Variants in CCDC63 observed in about 807,000 individuals in gnomAD.
The protein encoded by CCDC63 is coiled-coil domain containing 63.
CCDC63 carries 54 observed loss-of-function variants against 63.6 expected under a neutral mutation model. The observed-to-expected ratio is 0.85, with a 90% CI of 0.68 to 1.07. The LOEUF is 1.07. CCDC63 is among the 50% of genes least tolerant of loss of function. CCDC63 has a pLI of 0.00. For missense variants in CCDC63, 637 were observed against 689.6 expected (o/e 0.92, Z 0.86); for synonymous variants, 253 against 266.1 (o/e 0.95, Z 0.48).
At chr12:110,869,290 G>A (rs894354239) in intron 4 of CCDC63, among the ~76,000 whole-genome samples, 7 of 152,072 alleles carry the variant, frequency 4.6e-5, no homozygotes, top group Admixed American at 3.9e-4. Context: ...CCACCATCTC[G>A]ACACAAACAG....
intron 1 of CCDC63, among the ~76,000 whole-genome samples, chr12:110,852,450 C>T (rs1358786213): frequency 1.3e-5 from 2 of 152,070 alleles, no homozygotes; most frequent in Non-Finnish European, 2.9e-5. Flanking sequence ...TTTGTAGAGA[C>T]AGAGTTTCAC....
rs186573056 is a variant in CCDC63, at chr12:110,889,378, A to G, written c.1075-3698A>G. Among the ~76,000 whole-genome samples the G allele has an allele frequency of 6.6e-6, 1 of 152,296 alleles. No individual in the cohort carries two copies. Among genetic ancestry groups the G allele is most frequent in the East Asian group, 1.9e-4 (1 of 5,186 alleles). On this transcript the variant is annotated intron_variant, in intron 8 of 11. Transcript: ENST00000308208. The surrounding 1 kb of genome is among the most constrained non-coding windows in gnomAD (Gnocchi z 4.1). ...TAGAAAGGGAGATGCAGTGTGGGTAAAAAGATGAAGTCGCACAGCGTAAGA... is the reference window on the plus strand; with the variant it reads ...TAGAAAGGGAGATGCAGTGTGGGTAGAAAGATGAAGTCGCACAGCGTAAGA...
intron 5 of CCDC63, among the ~76,000 whole-genome samples, chr12:110,877,983 A>G (rs763698099): frequency 6.6e-6 from 1 of 152,094 alleles, no homozygotes; most frequent in Non-Finnish European, 1.5e-5. Context: ...CTGGGATTAC[A>G]GGCATGAGCC....
At chr12:110,875,632 A>T (rs2071120513) in intron 5 of CCDC63, among the ~76,000 whole-genome samples, 3 of 152,164 alleles carry the variant, frequency 2.0e-5, no homozygotes, top group Non-Finnish European at 4.4e-5. Flanking sequence ...CATCTAAATT[A>T]TGCTAATCTG....
At chr12:110,845,959 C>CAAAAA (rs34690976), upstream of CCDC63, 23 of 96,012 alleles carry the variant, frequency 2.4e-4, no homozygotes, top group Non-Finnish European at 3.5e-4. Flanking sequence ...AGTAGAAATA[C>CAAAAA]AAAAAAAAAA....
At chr12:110,898,839 A>C in intron 9 of CCDC63, 94 bp from the exon 10 acceptor site, 2 of 923,284 alleles carry the variant, frequency 2.2e-6, no homozygotes, top group Non-Finnish European at 3.1e-6. Context: ...AGGTTTGAAA[A>C]CCCGCAGTTT....
At chr12:110,899,459 CA>C (rs1199782124) in intron 10 of CCDC63, among the ~76,000 whole-genome samples, 6 of 152,152 alleles carry the variant, frequency 3.9e-5, no homozygotes, top group African/African-American at 1.4e-4. Flanking sequence ...GCTGGGACTA[CA>C]GCCATGCACC....
Position 110,883,987 on chromosome 12 carries a change from G to T in CCDC63, c.854-43G>T, listed in dbSNP as rs989913508. 6.1e-6 allele frequency: 9 copies of T among 1,484,766 alleles called. No individual in the cohort carries two copies. The African/African-American group carries it at 1.1e-4, about 18-fold the overall frequency. The allele number at this position is 1,484,766 out of a possible 1,614,324, so 92.0% of individuals were successfully genotyped here. ...TGTCTGCCTGGCACGGATCTGAGGA[G>T]CTTCCTTTTGAGTGTCACAGTGGCT... On this transcript the variant is annotated intron_variant, in intron 7 of 11. Coordinates refer to ENST00000308208, the MANE Select transcript of CCDC63 (RefSeq NM_152591.3).
intron 10 of CCDC63, among the ~76,000 whole-genome samples, chr12:110,900,827 T>C (rs2071476987): frequency 6.6e-6 from 1 of 152,142 alleles, no homozygotes; most frequent in African/African-American, 2.4e-5. Context: ...CTCGATCTCC[T>C]GACCTCGTGA....
intron 4 of CCDC63, among the ~76,000 whole-genome samples, chr12:110,868,663 T>A (rs915011054): frequency 3.5e-4 from 51 of 147,642 alleles, no homozygotes; most frequent in Admixed American, 2.9e-3. Flanking sequence ...TGAGCCGAGA[T>A]GGCAGCAGTA....
chr12:110,901,193 A>G (rs1451118087), intron 10 of CCDC63, among the ~76,000 whole-genome samples: 1 of 152,184 alleles, frequency 6.6e-6, no homozygotes, highest in East Asian at 1.9e-4. Flanking sequence ...TACATGAGAT[A>G]TTGTGATTCA....
At position 110,893,165 on chromosome 12, in the gene CCDC63, G is replaced by C. The variant is rs533121197; in HGVS notation, c.1149+15G>C. ...GACAGCTGGAGGTGAGAACAGGATC[G>C]GGAGGGAGGGATGCGGGAGCTTCTG... is the stretch of plus-strand genomic sequence containing the variant. On this transcript the variant is annotated intron_variant, in intron 9 of 11. Transcript: ENST00000308208. The C allele has an allele frequency of 1.2e-6, 2 of 1,606,608 alleles. No individual in the cohort carries two copies. The highest frequency in any genetic ancestry group is 2.2e-5 in the East Asian group (1 of 44,844).
chr12:110,905,501 G>T (rs746067500), intron 11 of CCDC63, among the ~76,000 whole-genome samples: 56 of 152,152 alleles, frequency 3.7e-4, no homozygotes, highest in Non-Finnish European at 7.1e-4. Flanking sequence ...ACTACTCAAG[G>T]GTGGAAGATG....
intron 4 of CCDC63, among the ~76,000 whole-genome samples, chr12:110,858,986 C>G (rs1231381539): frequency 6.6e-6 from 1 of 152,198 alleles, no homozygotes; most frequent in Non-Finnish European, 1.5e-5. Flanking sequence ...ATCCATCCCT[C>G]CGCCGTGCTC....
chr12:110,882,526 C>T (rs558209232), intron 7 of CCDC63, among the ~76,000 whole-genome samples: 39 of 151,574 alleles, frequency 2.6e-4, no homozygotes, highest in African/African-American at 8.7e-4. Context: ...GCTATGATTG[C>T]GCCACTCCAG....
chr12:110,866,608 CAT>C (rs1291209833), intron 4 of CCDC63, among the ~76,000 whole-genome samples: 4 of 150,716 alleles, frequency 2.7e-5, no homozygotes, highest in Non-Finnish European at 5.9e-5. Flanking sequence ...GGACACAGCA[CAT>C]GTTTCAGGGA....
At chr12:110,886,479 C>G (rs945513195) in intron 8 of CCDC63, among the ~76,000 whole-genome samples, 11 of 152,104 alleles carry the variant, frequency 7.2e-5, no homozygotes, top group African/African-American at 1.4e-4. Context: ...GGGACTGTTT[C>G]CAGACATCTA....
Position 110,847,085 on chromosome 12 carries a change from G to C in CCDC63, c.-117G>C, listed in dbSNP as rs1283440129. Reference sequence around the variant, plus strand: ...AAGCGGCCGGAGCAGCCACGGACAAGCAGTCCGGGCCCCGCCACTGGTAAG... The same window carrying C: ...AAGCGGCCGGAGCAGCCACGGACAACCAGTCCGGGCCCCGCCACTGGTAAG... On this transcript the variant is annotated 5_prime_UTR_variant, in exon 1 of 12. Transcript: ENST00000308208. The C allele has an allele frequency of 8.5e-5, 13 of 152,270 alleles. No homozygotes were observed. The highest frequency in any genetic ancestry group is 2.6e-4 in the African/African-American group (11 of 41,560). The allele number at this position is 152,270 out of a possible 1,614,324, so 9.4% of individuals were successfully genotyped here. A position where few individuals can be genotyped will look rare whatever the true frequency, so the allele number is the denominator to read the frequency against.
chr12:110,865,350 CTG>C (rs1163213749), intron 4 of CCDC63, among the ~76,000 whole-genome samples: 2 of 151,196 alleles, frequency 1.3e-5, no homozygotes. Context: ...GGATCTCAAA[CTG>C]GTAGATCTCA....
Sources: allele counts gnomAD v4.1 joint callset (sites outside exome capture counted in the v4.1 genomes callset), GRCh38; gene constraint gnomAD v4.1.1; non-coding constraint Gnocchi (gnomAD v3.1); transcripts MANE v1.5; gene names NCBI Gene and HGNC (gene_info 2026-07-23, HGNC 2026-07-21).